The following GLRA3 variants were observed in gnomAD, a reference collection of about 807,000 sequenced individuals.
The protein encoded by GLRA3 is glycine receptor alpha 3, also known as glycine receptor subunit alpha-3.
GLRA3 carries 44 observed loss-of-function variants against 60.4 expected under a neutral mutation model. The ratio of observed to expected loss-of-function variants is 0.73; its 90% CI spans 0.57 to 0.94. The LOEUF (loss-of-function observed/expected upper bound fraction) is 0.94. Among genes scored for constraint, GLRA3 ranks in the 40% least tolerant of loss-of-function variants. The pLI is 0.00. For synonymous variants in GLRA3, 223 were observed against 192.9 expected (o/e 1.16, Z -1.29); for missense variants, 508 against 564.6 (o/e 0.90, Z 1.02).
At chr4:174,804,808 G>A (rs1053973701) in intron 1 of GLRA3, among the ~76,000 whole-genome samples, 2 of 152,136 alleles carry the variant, frequency 1.3e-5, no homozygotes, top group Non-Finnish European at 2.9e-5. Context: ...ATGGGGTGGT[G>A]TCTGCTTTAC....
chr4:174,695,076 G>A (rs1734998642), intron 5 of GLRA3, among the ~76,000 whole-genome samples: 3 of 151,974 alleles, frequency 2.0e-5, no homozygotes, highest in Non-Finnish European at 4.4e-5. Context: ...AATTGAATCA[G>A]TAATAAATAG....
At chr4:174,662,931 A>G (rs766958655) in intron 7 of GLRA3, among the ~76,000 whole-genome samples, 8 of 151,014 alleles carry the variant, frequency 5.3e-5, no homozygotes, top group Non-Finnish European at 8.8e-5. Flanking sequence ...TCACATGTAC[A>G]TATCTGCTGA....
intron 4 of GLRA3, among the ~76,000 whole-genome samples, chr4:174,725,306 C>T (rs770766908): frequency 6.6e-6 from 1 of 152,168 alleles, no homozygotes; most frequent in Non-Finnish European, 1.5e-5. Context: ...CACCCATACA[C>T]TGAGCTTTCA....
chr4:174,659,770 G>A (rs887529007), intron 7 of GLRA3, among the ~76,000 whole-genome samples: 3 of 151,948 alleles, frequency 2.0e-5, no homozygotes, highest in South Asian at 4.1e-4. Context: ...TCAAGAGTTC[G>A]AGACCAGCCT....
rs941539672 is a variant in GLRA3, at chr4:174,664,413, AAAAC to A, written c.928-5220_928-5217del. Among the ~76,000 whole-genome samples, 4 of 152,082 alleles carry A rather than the reference AAAAC, an allele frequency of 2.6e-5. No homozygotes were observed. The East Asian group carries it at 5.8e-4, about 22-fold the overall frequency. On this transcript the variant is annotated intron_variant, in intron 7 of 9. Transcript: ENST00000274093. ...CTACCAGACTACCACCTCCCCCACCAAAACAAACAAACAAAAAAACAACAACAGC... is the reference window on the plus strand; with the variant it reads ...CTACCAGACTACCACCTCCCCCACCAAAACAAACAAAAAAACAACAACAGC...
chr4:174,661,607 C>T (rs1279414961), intron 7 of GLRA3, among the ~76,000 whole-genome samples: 3 of 152,166 alleles, frequency 2.0e-5, no homozygotes, highest in Non-Finnish European at 2.9e-5. Flanking sequence ...CCCCATTTGG[C>T]TCCTTGCTCC....
At chr4:174,676,339 T>C (rs1478309534) in intron 7 of GLRA3, among the ~76,000 whole-genome samples, 1 of 138,410 alleles carries the variant, frequency 7.2e-6, no homozygotes, top group Non-Finnish European at 1.6e-5. Flanking sequence ...AAAAATAATA[T>C]ATACCATATT....
intron 3 of GLRA3, among the ~76,000 whole-genome samples, chr4:174,754,778 C>T (rs996715577): frequency 6.6e-6 from 1 of 152,060 alleles, no homozygotes; most frequent in Non-Finnish European, 1.5e-5. Context: ...AAAACCTAGC[C>T]TGTTTATGAA....
chr4:174,674,331 G>A (rs747534985), intron 7 of GLRA3, among the ~76,000 whole-genome samples: 29 of 152,204 alleles, frequency 1.9e-4, no homozygotes, highest in Non-Finnish European at 3.4e-4. Flanking sequence ...AAAATTTGCT[G>A]GGAATAGAAT....
At chr4:174,647,149 A>T (rs752153750) in intron 9 of GLRA3, among the ~76,000 whole-genome samples, 15 of 152,186 alleles carry the variant, frequency 9.9e-5, no homozygotes, top group Non-Finnish European at 1.5e-4. Context: ...GCTCACGCCC[A>T]TAATCGCAGA....
At chr4:174,768,705 G>A (rs1385290382) in intron 2 of GLRA3, among the ~76,000 whole-genome samples, 1 of 152,040 alleles carries the variant, frequency 6.6e-6, no homozygotes, top group Non-Finnish European at 1.5e-5. Flanking sequence ...TAACATTTTA[G>A]GGAATTAAAG....
At chr4:174,795,970 A>G (rs1739549496) in intron 1 of GLRA3, among the ~76,000 whole-genome samples, 2 of 152,216 alleles carry the variant, frequency 1.3e-5, no homozygotes, top group African/African-American at 2.4e-5. Context: ...AAATTCTGAA[A>G]AGATTAATAT....
chr4:174,796,555 T>C (rs1185699161), intron 1 of GLRA3, among the ~76,000 whole-genome samples: 1 of 152,086 alleles, frequency 6.6e-6, no homozygotes, highest in African/African-American at 2.4e-5. Flanking sequence ...TTTTTTTTTT[T>C]TAGACGGAGT....
chr4:174,814,721 A>C (rs1482065715), intron 1 of GLRA3, among the ~76,000 whole-genome samples: 2 of 152,134 alleles, frequency 1.3e-5, no homozygotes, highest in East Asian at 3.9e-4. Context: ...AGATCTGATG[A>C]GATTTATTCA....
chr4:174,811,116 G>C (rs1385841), intron 1 of GLRA3, among the ~76,000 whole-genome samples: 87,648 of 148,520 alleles, frequency 0.59, 26,240 homozygotes, highest in African/African-American at 0.65. Context: ...CACACACACA[G>C]AGAGATGCAT....
intron 2 of GLRA3, among the ~76,000 whole-genome samples, chr4:174,785,988 C>G (rs1739116813): frequency 7.2e-6 from 1 of 139,488 alleles, no homozygotes; most frequent in South Asian, 2.3e-4. Flanking sequence ...GAGCTGGTCT[C>G]AAACTCCTAG....
At chr4:174,681,280 C>A (rs1180960899) in intron 6 of GLRA3, among the ~76,000 whole-genome samples, 2 of 152,162 alleles carry the variant, frequency 1.3e-5, no homozygotes, top group Non-Finnish European at 2.9e-5. Context: ...CATAAAAATT[C>A]ATCCCTAATT....
intron 5 of GLRA3, among the ~76,000 whole-genome samples, chr4:174,698,743 T>C (rs1735170745): frequency 6.6e-6 from 1 of 152,162 alleles, no homozygotes; most frequent in Admixed American, 6.5e-5. Context: ...ATATTTTGTG[T>C]GCAACTTCTC....
intron 1 of GLRA3, among the ~76,000 whole-genome samples, chr4:174,817,587 A>G (rs1171570887): frequency 6.6e-6 from 1 of 152,128 alleles, no homozygotes; most frequent in Admixed American, 6.6e-5. Flanking sequence ...ACAAAGATAG[A>G]TAATCTGGCA....
Sources: allele counts gnomAD v4.1 joint callset (sites outside exome capture counted in the v4.1 genomes callset), GRCh38; gene constraint gnomAD v4.1.1; transcripts MANE v1.5; gene names NCBI Gene and HGNC (gene_info 2026-07-23, HGNC 2026-07-21).